The following MTR variants were observed in gnomAD, a reference collection of about 807,000 sequenced individuals.
The protein encoded by MTR is methionine synthase.
A neutral mutation model predicts 154.8 loss-of-function variants in MTR; 84 were observed. That is an observed-to-expected ratio of 0.54 (90% CI 0.45 to 0.65). MTR has a LOEUF of 0.65. MTR is among the 30% of genes least tolerant of loss of function. The pLI is 0.00. For missense variants in MTR, 1,275 were observed against 1,570.2 expected (o/e 0.81, Z 3.18); for synonymous variants, 554 against 553.9 (o/e 1.00, Z 0.00).
chr1:236,799,793 T>G (rs995810700), intron 1 of MTR, among the ~76,000 whole-genome samples: 3 of 151,272 alleles, frequency 2.0e-5, no homozygotes, highest in Non-Finnish European at 3.0e-5. Context: ...TTCATTGTGT[T>G]TTTTTTTTTT....
At chr1:236,872,013 C>T (rs1001189705) in intron 22 of MTR, among the ~76,000 whole-genome samples, 10 of 151,994 alleles carry the variant, frequency 6.6e-5, no homozygotes, top group African/African-American at 1.5e-4. Context: ...GTTATTTAAA[C>T]GTTTTTGCCT....
chr1:236,851,067 T>G (rs568492202), intron 16 of MTR, among the ~76,000 whole-genome samples: 2 of 152,342 alleles, frequency 1.3e-5, no homozygotes. Flanking sequence ...AGATTTGATT[T>G]GCATCATCTA....
chr1:236,853,580 A>G (rs967669447), intron 18 of MTR, among the ~76,000 whole-genome samples: 5 of 152,070 alleles, frequency 3.3e-5, no homozygotes, highest in Non-Finnish European at 7.4e-5. Flanking sequence ...TTATGGTAAT[A>G]TTTTTTTCTT....
At chr1:236,826,926 A>C (rs1307710331) in intron 11 of MTR, 30 bp downstream of exon 11, 1 of 1,569,654 alleles carries the variant, frequency 6.4e-7, no homozygotes, top group Non-Finnish European at 8.8e-7. Flanking sequence ...AATATATCTA[A>C]AACCAAGTGG....
At chr1:236,816,421 G>T in intron 7 of MTR, 28 bp from the exon 8 acceptor site, 1 of 1,590,564 alleles carries the variant, frequency 6.3e-7, no homozygotes, top group Non-Finnish European at 8.6e-7. Flanking sequence ...AGTCTGTATT[G>T]TTGACTTTGT....
At position 236,815,670 on chromosome 1, in the gene MTR, TC is replaced by T; in HGVS notation, c.669+8del. 1.9e-6 allele frequency: 3 copies of T among 1,598,356 alleles called. No homozygotes were observed. Among genetic ancestry groups the T allele is most frequent in the Non-Finnish European group, 2.5e-6 (3 of 1,176,658 alleles). On this transcript the variant is annotated splice_region_variant and intron_variant, in intron 7 of 32. Coordinates refer to ENST00000366577, the MANE Select transcript of MTR (RefSeq NM_000254.3). ...TGCTCCCCGGCCTATCTTTGTAAGT[TC>T]TAAAGTGTTTGCACAATACATTCTT...
At chr1:236,864,287 TAGAG>T (rs2103318194) in intron 22 of MTR, among the ~76,000 whole-genome samples, 1 of 152,326 alleles carries the variant, frequency 6.6e-6, no homozygotes, top group East Asian at 1.9e-4. Context: ...TTTCTCTAGA[TAGAG>T]AAGAAAATTG....
chr1:236,822,257 C>G (rs1398673220), intron 8 of MTR, among the ~76,000 whole-genome samples: 1 of 149,816 alleles, frequency 6.7e-6, no homozygotes, highest in African/African-American at 2.4e-5. Context: ...TCATATAGAT[C>G]CAAATATTTC....
Position 236,859,607 on chromosome 1 carries a change from C to T in MTR, c.1954-226C>T, listed in dbSNP as rs74331029. 2.3e-3 allele frequency among the ~76,000 whole-genome samples: 351 copies of T among 152,284 alleles called. 1 individual carries two copies. The highest frequency in any genetic ancestry group is 7.9e-3 in the African/African-American group (329 of 41,564). On this transcript the variant is annotated intron_variant, in intron 18 of 32. Transcript: ENST00000366577. Reference sequence around the variant, plus strand: ...AGGGAAAGGAAAGAATGGAATTTTACTCTGTCTCTACACTAACAGTTCAAA... The same window carrying T: ...AGGGAAAGGAAAGAATGGAATTTTATTCTGTCTCTACACTAACAGTTCAAA...
chr1:236,853,184 A>T (rs1177904446), intron 18 of MTR, 96 bp downstream of exon 18: 1 of 1,340,108 alleles, frequency 7.5e-7, no homozygotes, highest in Non-Finnish European at 1.1e-6. Context: ...ATAGAAGCAA[A>T]TATCGAATCA....
chr1:236,820,763 C>T (rs1010903474), intron 8 of MTR, among the ~76,000 whole-genome samples: 1 of 152,180 alleles, frequency 6.6e-6, no homozygotes, highest in African/African-American at 2.4e-5. Flanking sequence ...TTTTGCATTC[C>T]TACCAGCAGT....
At chr1:236,799,695 T>C (rs2102999593) in intron 1 of MTR, among the ~76,000 whole-genome samples, 1 of 152,170 alleles carries the variant, frequency 6.6e-6, no homozygotes, top group South Asian at 2.1e-4. Flanking sequence ...GCTTTAGACA[T>C]TGAAGAATCT....
intron 32 of MTR, among the ~76,000 whole-genome samples, 192 bp downstream of exon 32, chr1:236,897,310 GCACACACACACACA>G (rs57786802): frequency 4.7e-5 from 6 of 128,680 alleles, no homozygotes; most frequent in African/African-American, 1.6e-4. Context: ...CCACACACAC[GCACACACACACACA>G]CACACACACA....
At chr1:236,893,365 C>T (rs112847502) in intron 29 of MTR, among the ~76,000 whole-genome samples, 1 of 152,138 alleles carries the variant, frequency 6.6e-6, no homozygotes, top group African/African-American at 2.4e-5. Context: ...TGTGGGTTGG[C>T]CACTCATTGA....
intron 15 of MTR, among the ~76,000 whole-genome samples, chr1:236,845,129 C>T (rs973927096): frequency 1.3e-5 from 2 of 152,116 alleles, no homozygotes; most frequent in East Asian, 3.9e-4. Flanking sequence ...ATGGTGGAAC[C>T]AAGTTTTTAC....
intron 1 of MTR, among the ~76,000 whole-genome samples, chr1:236,799,529 C>T (rs1056490818): frequency 6.6e-6 from 1 of 152,130 alleles, no homozygotes; most frequent in African/African-American, 2.4e-5. Context: ...TTTCTATTCA[C>T]AATTCTCTTG....
At chr1:236,823,796 CTTTTTTTTTTTTT>C (rs59710180) in intron 8 of MTR, among the ~76,000 whole-genome samples, 134 of 18,452 alleles carry the variant, frequency 7.3e-3, no homozygotes, top group African/African-American at 0.029. Flanking sequence ...CAGGTCAGAT[CTTTTTTTTTTTTT>C]TTTTTTTTTT....
intron 8 of MTR, among the ~76,000 whole-genome samples, chr1:236,821,202 T>G (rs1197248484): frequency 6.6e-6 from 1 of 152,196 alleles, no homozygotes; most frequent in Non-Finnish European, 1.5e-5. Context: ...GGCAGAAAAG[T>G]GAAAGGGCAC....
chr1:236,866,741 T>C (rs1284455026), intron 22 of MTR, among the ~76,000 whole-genome samples: 2 of 152,222 alleles, frequency 1.3e-5, no homozygotes, highest in Non-Finnish European at 2.9e-5. Flanking sequence ...GCCCCACTGC[T>C]GTTATGAGGA....
Sources: allele counts gnomAD v4.1 joint callset (sites outside exome capture counted in the v4.1 genomes callset), GRCh38; gene constraint gnomAD v4.1.1; transcripts MANE v1.5; gene names NCBI Gene and HGNC (gene_info 2026-07-23, HGNC 2026-07-21).